The following HRH2 variants were observed in gnomAD, a reference collection of about 807,000 sequenced individuals.
HRH2 encodes histamine receptor H2, also known as histamine H2 receptor.
HRH2 carries 4 observed loss-of-function variants against 20.1 expected under a neutral mutation model. The observed-to-expected ratio is 0.20, with a 90% CI of 0.10 to 0.45. The LOEUF (loss-of-function observed/expected upper bound fraction) is 0.45, where lower values mean the gene tolerates loss of function less well. Among genes scored for constraint, HRH2 ranks in the 20% least tolerant of loss-of-function variants. The pLI is 0.99. For synonymous variants in HRH2, 197 were observed against 200.7 expected (o/e 0.98, Z 0.16); for missense variants, 250 against 461.6 (o/e 0.54, Z 4.20).
At chr5:175,670,931 C>T (rs927301351) in intron 1 of HRH2, among the ~76,000 whole-genome samples, 4 of 152,260 alleles carry the variant, frequency 2.6e-5, no homozygotes, top group African/African-American at 7.2e-5. Context: ...GGCACACAGA[C>T]ATGGGCCCTG....
chr5:175,695,071 AG>A (rs1438667401), intron 2 of HRH2, among the ~76,000 whole-genome samples: 2 of 152,036 alleles, frequency 1.3e-5, no homozygotes, highest in African/African-American at 4.8e-5. Flanking sequence ...CAGACAAGCC[AG>A]GGCCAGGAGC....
rs1755808963 is a variant in HRH2, at chr5:175,677,781, C to T, written c.-525-4928C>T. Among the ~76,000 whole-genome samples, 2 of 152,204 alleles carry T rather than the reference C, an allele frequency of 1.3e-5. No homozygotes were observed. The highest frequency in any genetic ancestry group is 2.4e-5 in the African/African-American group (1 of 41,446). ...GGCGGTGCCGGGCAGCCACCTGCTC[C>T]GGCCCACCCCCAGCTGCCACACCCT... On this transcript the variant is annotated intron_variant, in intron 1 of 2. Transcript: ENST00000636584. The surrounding 1 kb of genome is among the most constrained non-coding windows in gnomAD (Gnocchi z 4.2).
Position 175,709,881 on chromosome 5 carries a change from G to C in HRH2, c.*1910G>C, listed in dbSNP as rs1757044547. On this transcript the variant is annotated 3_prime_UTR_variant, in exon 3 of 3. Coordinates refer to ENST00000636584, the MANE Select transcript of HRH2 (RefSeq NM_001367711.1). ...CTCAGGCCCTGTGTGCTGGGACCCT[G>C]CTGGGCCCTCTCCAGCCTCCCCCTG... is the stretch of plus-strand genomic sequence containing the variant. 2 of 152,944 alleles carry C rather than the reference G, an allele frequency of 1.3e-5. No homozygotes were observed. Among genetic ancestry groups the C allele is most frequent in the African/African-American group, 2.4e-5 (1 of 41,576 alleles). The allele number at this position is 152,944 out of a possible 1,614,324, so 9.5% of individuals were successfully genotyped here.
intron 1 of HRH2, among the ~76,000 whole-genome samples, chr5:175,680,629 A>C (rs1755930939): frequency 6.6e-6 from 1 of 152,222 alleles, no homozygotes; most frequent in Admixed American, 6.5e-5. Flanking sequence ...AGGCAAAGAG[A>C]ACCCATTGAA....
chr5:175,671,452 G>A (rs1407981102), intron 1 of HRH2, among the ~76,000 whole-genome samples: 2 of 152,182 alleles, frequency 1.3e-5, no homozygotes, highest in African/African-American at 4.8e-5. Flanking sequence ...GGAAGAGACA[G>A]TGTTGTCAGT....
At chr5:175,675,342 G>C (rs1420406111) in intron 1 of HRH2, among the ~76,000 whole-genome samples, 1 of 152,168 alleles carries the variant, frequency 6.6e-6, no homozygotes, top group African/African-American at 2.4e-5. Flanking sequence ...AACCTTCAAT[G>C]ACTCCTTATT....
rs774356539 is a variant in HRH2 at position 175,684,011 on chromosome 5, A to C, written c.778A>C (p.Arg260=). The C allele has an allele frequency of 1.9e-6, 3 of 1,614,044 alleles. No homozygotes were observed. The East Asian group carries it at 6.7e-5, about 36-fold the overall frequency. The change falls in exon 2 of 3, where the codon AGA becomes CGA. Residue 260 remains arginine, a synonymous_variant. Coordinates refer to ENST00000636584, the MANE Select transcript of HRH2 (RefSeq NM_001367711.1). ...CACCGCGTTTGTGTACCGTGGGCTG[A>C]GAGGGGATGATGCCATCAATGAGGT... ...YFTAFVYRGL[R]GDDAINEVLE... is the part of the protein sequence containing the mutation.
At chr5:175,678,639 G>C (rs1268985544) in intron 1 of HRH2, among the ~76,000 whole-genome samples, 2 of 152,222 alleles carry the variant, frequency 1.3e-5, no homozygotes. Flanking sequence ...TTGCCGTGAC[G>C]CTCGCCCAGA....
chr5:175,695,870 A>C (rs1325805278), intron 2 of HRH2, among the ~76,000 whole-genome samples: 2 of 152,252 alleles, frequency 1.3e-5, no homozygotes, highest in African/African-American at 4.8e-5. Flanking sequence ...CCCAGGTCCA[A>C]GGCCTGAGCC....
At chr5:175,666,227 G>C (rs563819742) in intron 1 of HRH2, among the ~76,000 whole-genome samples, 1 of 152,122 alleles carries the variant, frequency 6.6e-6, no homozygotes, top group African/African-American at 2.4e-5. Flanking sequence ...GGAGTTTCTT[G>C]CCCTGCAGTC....
intron 1 of HRH2, among the ~76,000 whole-genome samples, chr5:175,676,055 T>G (rs1192111372): frequency 6.6e-6 from 1 of 152,196 alleles, no homozygotes; most frequent in Non-Finnish European, 1.5e-5. Context: ...GGCACACTTT[T>G]GGAGGCCCCC....
chr5:175,689,331 C>G (rs1382965539), intron 2 of HRH2, among the ~76,000 whole-genome samples: 2 of 151,638 alleles, frequency 1.3e-5, no homozygotes, highest in African/African-American at 4.9e-5. Flanking sequence ...CTTCTTCCCC[C>G]TCTTGACTTA....
rs35436884 is a variant in HRH2, at chr5:175,676,217, A to C, written c.-525-6492A>C. On this transcript the variant is annotated intron_variant, in intron 1 of 2. Coordinates refer to ENST00000636584, the MANE Select transcript of HRH2 (RefSeq NM_001367711.1). ...GTGCAACTGCTGGGTCAGTAGTCTGAGTGATTTTAACATTAACGGGGTTTT... is the reference window on the plus strand; with the variant it reads ...GTGCAACTGCTGGGTCAGTAGTCTGCGTGATTTTAACATTAACGGGGTTTT... Among the ~76,000 whole-genome samples the C allele has an allele frequency of 6.0e-3, 921 of 152,376 alleles. 19 individuals carry two copies. In the East Asian group the frequency reaches 0.064, roughly 11 times the overall value.
chr5:175,680,258 C>T (rs1755916109), intron 1 of HRH2, among the ~76,000 whole-genome samples: 1 of 152,190 alleles, frequency 6.6e-6, no homozygotes, highest in Non-Finnish European at 1.5e-5. Flanking sequence ...TCTAAGTGAC[C>T]TAGAGGGCCA....
intron 2 of HRH2, among the ~76,000 whole-genome samples, chr5:175,690,082 T>C (rs570448919): frequency 6.6e-6 from 1 of 152,360 alleles, no homozygotes; most frequent in East Asian, 1.9e-4. Context: ...TGTTAACTTA[T>C]ACATCCAGCT....
chr5:175,678,948 G>A (rs1400699649), intron 1 of HRH2, among the ~76,000 whole-genome samples: 3 of 152,236 alleles, frequency 2.0e-5, no homozygotes, highest in Admixed American at 6.5e-5. Flanking sequence ...CACCAGCTTG[G>A]TTGCTTTTCT....
chr5:175,706,845 G>A (rs1756955337), intron 2 of HRH2, among the ~76,000 whole-genome samples: 2 of 152,226 alleles, frequency 1.3e-5, no homozygotes, highest in African/African-American at 4.8e-5. Context: ...TCAGGTGGAC[G>A]CTAAAGGCAT....
At chr5:175,707,726 C>T (rs1171578709) in intron 2 of HRH2, 53 bp from the exon 3 acceptor site, 1 of 153,512 alleles carries the variant, frequency 6.5e-6, no homozygotes. Context: ...CCTGGTCTGC[C>T]CCCGCCTTGC....
intron 1 of HRH2, among the ~76,000 whole-genome samples, chr5:175,662,738 C>T (rs903331319): frequency 2.6e-5 from 4 of 152,196 alleles, no homozygotes; most frequent in Non-Finnish European, 4.4e-5. Context: ...GATATTCACA[C>T]AGAGTTGTGC....
Sources: allele counts gnomAD v4.1 joint callset (sites outside exome capture counted in the v4.1 genomes callset), GRCh38; gene constraint gnomAD v4.1.1; non-coding constraint Gnocchi (gnomAD v3.1); transcripts MANE v1.5; gene names NCBI Gene and HGNC (gene_info 2026-07-23, HGNC 2026-07-21).